Variants in TRERF1 observed in about 807,000 individuals in gnomAD.
The protein encoded by TRERF1 is transcriptional-regulating factor 1.
Under a neutral mutation model 122.9 loss-of-function variants are expected in TRERF1, and 27 were observed. The ratio of observed to expected loss-of-function variants is 0.22; its 90% CI spans 0.16 to 0.30. TRERF1 has a LOEUF of 0.30. TRERF1 is among the 10% of genes least tolerant of loss of function. The pLI is 1.00. For missense variants in TRERF1, 1,248 were observed against 1,560.3 expected (o/e 0.80, Z 3.37); for synonymous variants, 636 against 641.7 (o/e 0.99, Z 0.13).
At chr6:42,326,132 G>T (rs1764249789) in intron 3 of TRERF1, among the ~76,000 whole-genome samples, 1 of 151,998 alleles carries the variant, frequency 6.6e-6, no homozygotes, top group African/African-American at 2.4e-5. Context: ...CTATACCCTT[G>T]TAACAAACCT....
chr6:42,418,262 C>CT (rs1782191831), intron 2 of TRERF1, among the ~76,000 whole-genome samples: 5 of 5,474 alleles, frequency 9.1e-4, no homozygotes, highest in Admixed American at 3.8e-3. Context: ...CTCTTTCTTT[C>CT]TTTCTTTTTT....
At chr6:42,418,252 C>CTCTTTCTT (rs1267514350) in intron 2 of TRERF1, among the ~76,000 whole-genome samples, 1 of 17,560 alleles carries the variant, frequency 5.7e-5, no homozygotes, top group East Asian at 1.5e-3. Flanking sequence ...TGGAGTTTTG[C>CTCTTTCTT]TCTTTCTTTC....
At chr6:42,333,020 G>A (rs555851152) in intron 3 of TRERF1, among the ~76,000 whole-genome samples, 9 of 152,262 alleles carry the variant, frequency 5.9e-5, no homozygotes, top group South Asian at 2.1e-4. Context: ...ATCTTTACCC[G>A]TAAGAAGAGC....
chr6:42,264,307 G>A (rs1368137408), intron 7 of TRERF1, among the ~76,000 whole-genome samples: 2 of 152,240 alleles, frequency 1.3e-5, no homozygotes, highest in African/African-American at 4.8e-5. Context: ...CTGGCTGAGA[G>A]CCTGATGATT....
At chr6:42,271,211 A>G (rs931284322) in intron 4 of TRERF1, among the ~76,000 whole-genome samples, 1 of 151,342 alleles carries the variant, frequency 6.6e-6, no homozygotes, top group Non-Finnish European at 1.5e-5. Context: ...AAAGAGGTTC[A>G]ATTTCTACAT....
chr6:42,358,247 G>A (rs1022501348), intron 3 of TRERF1, among the ~76,000 whole-genome samples: 3 of 152,216 alleles, frequency 2.0e-5, no homozygotes, highest in African/African-American at 7.2e-5. Flanking sequence ...GGTATTGCAA[G>A]ATTTTCTTCC....
At chr6:42,297,597 G>A (rs1454079307) in intron 4 of TRERF1, among the ~76,000 whole-genome samples, 1 of 152,164 alleles carries the variant, frequency 6.6e-6, no homozygotes, top group African/African-American at 2.4e-5. Context: ...CAGAATGGGG[G>A]GAAAATCTCT....
intron 2 of TRERF1, among the ~76,000 whole-genome samples, chr6:42,408,704 T>C (rs1780675340): frequency 6.6e-6 from 1 of 152,120 alleles, no homozygotes; most frequent in Non-Finnish European, 1.5e-5. Flanking sequence ...TTATTATTTT[T>C]ATCTTATAGA....
intron 3 of TRERF1, among the ~76,000 whole-genome samples, chr6:42,339,754 G>A (rs879782633): frequency 6.6e-6 from 1 of 152,188 alleles, no homozygotes; most frequent in Non-Finnish European, 1.5e-5. Context: ...GAGAACAGAT[G>A]TGTAAACAGA....
intron 3 of TRERF1, among the ~76,000 whole-genome samples, chr6:42,319,333 A>G (rs1029350274): frequency 6.6e-6 from 1 of 152,252 alleles, no homozygotes; most frequent in African/African-American, 2.4e-5. Context: ...TCCAGAGTAT[A>G]GCAGAGTGAC....
chr6:42,249,101 C>G (rs138150172), intron 13 of TRERF1, among the ~76,000 whole-genome samples: 211 of 152,322 alleles, frequency 1.4e-3, no homozygotes, highest in African/African-American at 4.8e-3. Flanking sequence ...CTGACTCACA[C>G]AAGCTTACAC....
chr6:42,446,309 C>A, intron 2 of TRERF1, among the ~76,000 whole-genome samples: 1 of 152,192 alleles, frequency 6.6e-6, no homozygotes, highest in East Asian at 1.9e-4. Flanking sequence ...TCATGCTGCC[C>A]TCCCTCCTTC....
chr6:42,354,461 T>C (rs1351187405), intron 3 of TRERF1, among the ~76,000 whole-genome samples: 2 of 152,140 alleles, frequency 1.3e-5, no homozygotes, highest in Non-Finnish European at 2.9e-5. Context: ...AATGCTTTTC[T>C]TTTGTTTCTA....
At position 42,320,959 on chromosome 6, in the gene TRERF1, C is replaced by T. The variant is rs920168277; in HGVS notation, c.-370-20210G>A. Among the ~76,000 whole-genome samples the T allele has an allele frequency of 5.3e-5, 8 of 152,040 alleles. No homozygotes were observed. The South Asian group carries it at 6.2e-4, about 12-fold the overall frequency. Reference sequence around the variant, plus strand: ...CAAGCACAGGAAGCCTGAGCTCCAGCGCTCAAATATTATGAGATTCCATTA... The same window carrying T: ...CAAGCACAGGAAGCCTGAGCTCCAGTGCTCAAATATTATGAGATTCCATTA... On this transcript the variant is annotated intron_variant, in intron 3 of 17. Transcript: ENST00000372922.
chr6:42,369,603 T>C (rs1470634669), intron 2 of TRERF1, among the ~76,000 whole-genome samples: 1 of 152,184 alleles, frequency 6.6e-6, no homozygotes, highest in Non-Finnish European at 1.5e-5. Flanking sequence ...AAAACTTTTT[T>C]TTTAAACAAA....
chr6:42,401,913 T>C (rs764092529), intron 2 of TRERF1, among the ~76,000 whole-genome samples: 43 of 152,244 alleles, frequency 2.8e-4, no homozygotes, highest in Non-Finnish European at 4.8e-4. Flanking sequence ...ACTACATTTC[T>C]ACTTAAGGAA....
At chr6:42,347,108 C>T (rs1003262341) in intron 3 of TRERF1, among the ~76,000 whole-genome samples, 9 of 152,238 alleles carry the variant, frequency 5.9e-5, no homozygotes, top group Non-Finnish European at 1.0e-4. Flanking sequence ...ATGTATCCCT[C>T]TTGGAGAAAT....
At chr6:42,319,040 C>A (rs953705367) in intron 3 of TRERF1, among the ~76,000 whole-genome samples, 3 of 152,208 alleles carry the variant, frequency 2.0e-5, no homozygotes, top group Non-Finnish European at 2.9e-5. Context: ...GCAGGTGAGC[C>A]TTCTCCATCT....
At chr6:42,317,953 A>G (rs888953709) in intron 3 of TRERF1, among the ~76,000 whole-genome samples, 8 of 152,154 alleles carry the variant, frequency 5.3e-5, no homozygotes, top group African/African-American at 1.4e-4. Context: ...TAGGAGTTCA[A>G]GACCAGCCTG....
Sources: gnomAD v4.1 joint callset for allele counts (sites outside exome capture counted in the v4.1 genomes callset) on GRCh38, gnomAD v4.1.1 for gene constraint, MANE v1.5 for transcripts, NCBI Gene and HGNC (gene_info 2026-07-23, HGNC 2026-07-21) for gene names.